Variants in CELF5 observed in about 807,000 individuals in gnomAD.
CELF5 encodes CUGBP Elav-like family member 5.
Under a neutral mutation model 54.9 loss-of-function variants are expected in CELF5, and 6 were observed. The ratio of observed to expected loss-of-function variants is 0.11; its 90% CI spans 0.06 to 0.22. CELF5 has a LOEUF of 0.22. CELF5 is among the 10% of genes least tolerant of loss of function. CELF5 has a pLI of 1.00. For missense variants in CELF5, 401 were observed against 678.6 expected (o/e 0.59, Z 4.54); for synonymous variants, 271 against 290.9 (o/e 0.93, Z 0.70).
In CELF5 at chr19:3,281,252, G is replaced by A. The variant is rs149775987; in HGVS notation, c.657G>A (p.Thr219=). ...TCGCCGACACGGACAAGGAGCGGAC[G>A]CTCCGGCGCATGCAGCAGATGGTGG... ...VKFADTDKER[T]LRRMQQMVGQ... is the part of the protein sequence containing the mutation. Residue 219 remains threonine (T), a synonymous_variant, in exon 6 of 13, where the codon ACG becomes ACA. Transcript: ENST00000292672. The surrounding 1 kb of genome is among the most constrained non-coding windows in gnomAD (Gnocchi z 6.5). 6.2e-6 allele frequency: 10 copies of A among 1,610,994 alleles called. No homozygotes were observed. Among genetic ancestry groups the A allele is most frequent in the East Asian group, 2.2e-5 (1 of 44,870 alleles).
At chr19:3,285,599 A>G (rs1316043137) in intron 9 of CELF5, among the ~76,000 whole-genome samples, 1 of 107,706 alleles carries the variant, frequency 9.3e-6, no homozygotes, top group African/African-American at 3.7e-5. Flanking sequence ...ACTGTCCTGT[A>G]GCCTTGGCCC....
intron 2 of CELF5, among the ~76,000 whole-genome samples, chr19:3,254,871 A>G (rs959620089): frequency 9.2e-5 from 14 of 151,726 alleles, no homozygotes; most frequent in Non-Finnish European, 1.5e-4. Flanking sequence ...CCACTTGTCT[A>G]TCCATTCATC....
In CELF5 at chr19:3,281,399, G is replaced by A. The variant is rs908520034; in HGVS notation, c.750+54G>A. The A allele has an allele frequency of 1.3e-6, 2 of 1,557,436 alleles. No individual in the cohort carries two copies. The highest frequency in any genetic ancestry group is 1.7e-6 in the Non-Finnish European group (2 of 1,148,208). On this transcript the variant is annotated intron_variant, in intron 6 of 12. Transcript: ENST00000292672. The surrounding 1 kb of genome is among the most constrained non-coding windows in gnomAD (Gnocchi z 6.5). ...TCCGGCTCCGTCTCTCTCAGTCTCT[G>A]TCTACTCTCTGTCGGGCTCCTGCCT... is the stretch of plus-strand genomic sequence containing the variant.
intron 2 of CELF5, among the ~76,000 whole-genome samples, chr19:3,265,605 G>A (rs2079871183): frequency 2.0e-5 from 3 of 152,094 alleles, no homozygotes; most frequent in Non-Finnish European, 2.9e-5. Flanking sequence ...AAACGCCATG[G>A]CAATGTCAGG....
At chr19:3,231,763 TG>T (rs1917274681) in intron 1 of CELF5, among the ~76,000 whole-genome samples, 1 of 12,674 alleles carries the variant, frequency 7.9e-5, no homozygotes, top group Admixed American at 1.4e-3. Flanking sequence ...GATGGGTGGG[TG>T]GGTGGGTTGG....
intron 1 of CELF5, among the ~76,000 whole-genome samples, chr19:3,246,197 C>G (rs965928910): frequency 2.0e-5 from 3 of 152,096 alleles, no homozygotes; most frequent in African/African-American, 4.8e-5. Context: ...AACCCTGTCT[C>G]TATTAAAAAT....
chr19:3,227,332 G>A (rs1916983241), intron 1 of CELF5, among the ~76,000 whole-genome samples: 1 of 152,186 alleles, frequency 6.6e-6, no homozygotes, highest in South Asian at 2.1e-4. Context: ...GAGGTGGAAT[G>A]GTGAATGGGA....
In CELF5 at chr19:3,275,786, G is replaced by C. The variant is rs1033166297; in HGVS notation, c.395-70G>C. On this transcript the variant is annotated intron_variant, in intron 3 of 12. Transcript: ENST00000292672. The surrounding 1 kb of genome is among the most constrained non-coding windows in gnomAD (Gnocchi z 6.7). ...GCCCTGCCGCCTCCACTCTGCTGGA[G>C]GGAGGGAGGAATCCCGGAGGCCCTC... The C allele has an allele frequency of 1.0e-5, 16 of 1,525,176 alleles. No individual in the cohort carries two copies. The highest frequency in any genetic ancestry group is 9.3e-5 in the East Asian group (4 of 43,074). The allele number at this position is 1,525,176 out of a possible 1,614,324, so 94.5% of individuals were successfully genotyped here.
intron 11 of CELF5, 37 bp from the exon 12 acceptor site, chr19:3,293,282 C>A (rs1489245015): frequency 5.0e-6 from 8 of 1,612,026 alleles, no homozygotes; most frequent in Non-Finnish European, 5.9e-6. Flanking sequence ...AGGACACCCG[C>A]AGCGCCAACC....
chr19:3,227,207 G>T (rs1413466507), intron 1 of CELF5, among the ~76,000 whole-genome samples: 1 of 152,130 alleles, frequency 6.6e-6, no homozygotes, highest in Non-Finnish European at 1.5e-5. Context: ...CGAAGGGGTG[G>T]GGGGGTGTCT....
At position 3,228,138 on chromosome 19, in the gene CELF5, A is replaced by T. The variant is rs1182577882; in HGVS notation, c.259+3140A>T. Among the ~76,000 whole-genome samples, 3 of 146,510 alleles carry T rather than the reference A, an allele frequency of 2.0e-5. No homozygotes were observed. The highest frequency in any genetic ancestry group is 3.0e-5 in the Non-Finnish European group (2 of 66,672). ...GAGAGAGAGAGAGAGATGAGGACAC[A>T]GAGAGAGAGAGAGAGACACGCAGGG... On this transcript the variant is annotated intron_variant, in intron 1 of 12. Transcript: ENST00000292672. This position sits in a 1 kb window ranked among gnomAD's most constrained non-coding sequence, Gnocchi z 6.0.
chr19:3,233,612 C>T (rs372061465), intron 1 of CELF5, among the ~76,000 whole-genome samples: 7 of 152,212 alleles, frequency 4.6e-5, no homozygotes, highest in African/African-American at 1.4e-4. Flanking sequence ...TGAGGCAGGA[C>T]CACCACATCT....
At position 3,276,714 on chromosome 19, in the gene CELF5, G is replaced by A. The variant is rs771364249; in HGVS notation, c.523+730G>A. Among the ~76,000 whole-genome samples the A allele has an allele frequency of 1.0e-3, 154 of 150,424 alleles. 1 individual carries two copies. The highest frequency in any genetic ancestry group is 1.9e-3 in the Non-Finnish European group (125 of 67,480). On this transcript the variant is annotated intron_variant, in intron 4 of 12. Transcript: ENST00000292672. ...CGGTGGGGTGGGCGGAGATGCAGAG[G>A]CGTGGCCTTGGGGAAGGGCAAGGCT...
intron 1 of CELF5, among the ~76,000 whole-genome samples, chr19:3,250,610 TC>T (rs1218970731): frequency 1.3e-5 from 2 of 152,232 alleles, no homozygotes; most frequent in Non-Finnish European, 2.9e-5. Flanking sequence ...TGAAACTCTG[TC>T]CCCATGATAC....
At chr19:3,236,854 G>A (rs1322284069) in intron 1 of CELF5, among the ~76,000 whole-genome samples, 3 of 150,234 alleles carry the variant, frequency 2.0e-5, no homozygotes, top group Non-Finnish European at 4.4e-5. Context: ...GTGTGGTGGC[G>A]GGCCTGCACC....
At chr19:3,239,994 A>G (rs1032257656) in intron 1 of CELF5, among the ~76,000 whole-genome samples, 1 of 144,124 alleles carries the variant, frequency 6.9e-6, no homozygotes, top group African/African-American at 2.6e-5. Flanking sequence ...GGCATCCCCC[A>G]TCTCCTGCAA....
At chr19:3,246,123 G>A (rs550863891) in intron 1 of CELF5, among the ~76,000 whole-genome samples, 29 of 152,318 alleles carry the variant, frequency 1.9e-4, no homozygotes, top group Non-Finnish European at 3.1e-4. Flanking sequence ...CAGCAATTTG[G>A]GAGGCCACGG....
At chr19:3,264,739 C>G (rs1422786877) in intron 2 of CELF5, among the ~76,000 whole-genome samples, 2 of 145,140 alleles carry the variant, frequency 1.4e-5, no homozygotes, top group Non-Finnish European at 1.5e-5. Flanking sequence ...TTTTTTGAGA[C>G]AGACTCTTAC....
At chr19:3,226,535 A>T (rs1010765798) in intron 1 of CELF5, among the ~76,000 whole-genome samples, 2 of 151,310 alleles carry the variant, frequency 1.3e-5, no homozygotes, top group Non-Finnish European at 2.9e-5. Flanking sequence ...AGGGGCTCCC[A>T]TGCGGCCCCC....
Sources: allele counts gnomAD v4.1 joint callset (sites outside exome capture counted in the v4.1 genomes callset), GRCh38; gene constraint gnomAD v4.1.1; non-coding constraint Gnocchi (gnomAD v3.1); transcripts MANE v1.5; gene names NCBI Gene and HGNC (gene_info 2026-07-23, HGNC 2026-07-21).